The following UBE4B variants were observed in gnomAD, a reference collection of about 807,000 sequenced individuals.
The protein encoded by UBE4B is ubiquitination factor E4B.
In UBE4B, 27 loss-of-function variants were observed where a neutral mutation model predicts 148.1. That is an observed-to-expected ratio of 0.18 (90% CI 0.13 to 0.25). The LOEUF is 0.25. Among genes scored for constraint, UBE4B ranks in the 10% least tolerant of loss-of-function variants. The pLI, the probability that UBE4B is intolerant of heterozygous loss-of-function variation, is 1.00. For missense variants in UBE4B, 1,170 were observed against 1,662.4 expected (o/e 0.70, Z 5.15); for synonymous variants, 596 against 619.3 (o/e 0.96, Z 0.56).
At chr1:10,153,524 A>G (rs1046063102) in intron 21 of UBE4B, among the ~76,000 whole-genome samples, 1 of 151,146 alleles carries the variant, frequency 6.6e-6, no homozygotes, top group Non-Finnish European at 1.5e-5. Flanking sequence ...AAAAAGGGTA[A>G]AAAGACTGGG....
At chr1:10,147,695 G>A (rs2101980017) in intron 19 of UBE4B, among the ~76,000 whole-genome samples, 1 of 152,286 alleles carries the variant, frequency 6.6e-6, no homozygotes, top group East Asian at 1.9e-4. Flanking sequence ...TAAATTGGAA[G>A]CCAAAAGCTG....
intron 10 of UBE4B, 47 bp downstream of exon 10, chr1:10,122,123 C>CGACA: frequency 7.4e-7 from 1 of 1,349,034 alleles, no homozygotes; most frequent in Non-Finnish European, 1.0e-6. Flanking sequence ...CTGAGAGCCT[C>CGACA]TATGTCGAGG....
intron 23 of UBE4B, among the ~76,000 whole-genome samples, chr1:10,167,269 G>A (rs142891483): frequency 0.025 from 3,829 of 151,340 alleles, 90 homozygotes; most frequent in South Asian, 0.081. Flanking sequence ...GAGAAACCCC[G>A]TCTCTACTAA....
chr1:10,100,123 G>A (rs1202732353), intron 3 of UBE4B, among the ~76,000 whole-genome samples: 1 of 151,936 alleles, frequency 6.6e-6, no homozygotes, highest in Non-Finnish European at 1.5e-5. Flanking sequence ...CTGAGTAGCT[G>A]GGCCTACAGG....
intron 7 of UBE4B, among the ~76,000 whole-genome samples, chr1:10,114,150 G>A (rs1484204140): frequency 1.3e-5 from 2 of 149,594 alleles, no homozygotes; most frequent in African/African-American, 4.9e-5. Flanking sequence ...TTATTATCAA[G>A]AAATAGAGTT....
At chr1:10,086,160 A>G (rs1644763705) in intron 2 of UBE4B, among the ~76,000 whole-genome samples, 1 of 151,928 alleles carries the variant, frequency 6.6e-6, no homozygotes, top group Admixed American at 6.6e-5. Context: ...TTTAGTAGAG[A>G]TGGGGTTTCA....
intron 16 of UBE4B, among the ~76,000 whole-genome samples, chr1:10,136,794 C>G (rs2101956543): frequency 6.6e-6 from 1 of 152,172 alleles, no homozygotes; most frequent in Middle Eastern, 3.4e-3. Flanking sequence ...TAGCACACGC[C>G]TGTAATCCCA....
chr1:10,051,958 C>T (rs982262023), intron 1 of UBE4B, among the ~76,000 whole-genome samples: 2 of 152,146 alleles, frequency 1.3e-5, no homozygotes, highest in African/African-American at 4.8e-5. Flanking sequence ...CTTTTGGGTC[C>T]TAGATTGAGA....
At chr1:10,162,155 C>T (rs1168425031) in intron 23 of UBE4B, among the ~76,000 whole-genome samples, 1 of 152,046 alleles carries the variant, frequency 6.6e-6, no homozygotes, top group Non-Finnish European at 1.5e-5. Context: ...CCTGCCACCA[C>T]ACCTGGCTAG....
At chr1:10,068,169 C>G (rs1225845232) in intron 1 of UBE4B, among the ~76,000 whole-genome samples, 13 of 150,912 alleles carry the variant, frequency 8.6e-5, no homozygotes, top group Non-Finnish European at 1.9e-4. Flanking sequence ...CCTGGGATTA[C>G]AGGTGCCTAC....
At position 10,161,888 on chromosome 1, in the gene UBE4B, A is replaced by G. The variant is rs1646165931; in HGVS notation, c.3198+602A>G. On this transcript the variant is annotated intron_variant, in intron 23 of 27. Transcript: ENST00000343090. This position sits in a 1 kb window ranked among gnomAD's most constrained non-coding sequence, Gnocchi z 4.1. The stretch of plus-strand genomic sequence containing the variant: ...TTGACAGTTGCTGGTGACTTCTTAG[A>G]TTGGCTTAGGTTTATTGATTCTGTT... Among the ~76,000 whole-genome samples, 1 of 151,850 alleles carries G rather than the reference A, an allele frequency of 6.6e-6. No individual in the cohort carries two copies.
chr1:10,066,596 T>G (rs1262157125), intron 1 of UBE4B, among the ~76,000 whole-genome samples: 1 of 151,582 alleles, frequency 6.6e-6, no homozygotes, highest in East Asian at 1.9e-4. Context: ...AAAAAGAAAA[T>G]AAAACCAATA....
At chr1:10,049,763 A>G (rs11807005) in intron 1 of UBE4B, among the ~76,000 whole-genome samples, 1 of 151,508 alleles carries the variant, frequency 6.6e-6, no homozygotes, top group Non-Finnish European at 1.5e-5. Context: ...GGTGGCATGC[A>G]CCTGTGGTCC....
At chr1:10,130,090 T>C (rs1166065689) in intron 12 of UBE4B, among the ~76,000 whole-genome samples, 1 of 152,102 alleles carries the variant, frequency 6.6e-6, no homozygotes, top group Non-Finnish European at 1.5e-5. Flanking sequence ...ATTCTTTTTT[T>C]TGAGACAGAG....
At chr1:10,040,896 C>T (rs940985637) in intron 1 of UBE4B, among the ~76,000 whole-genome samples, 12 of 151,922 alleles carry the variant, frequency 7.9e-5, no homozygotes, top group Non-Finnish European at 1.6e-4. Context: ...CTGGGATTAC[C>T]GGCGTGAGCC....
chr1:10,078,014 G>GTTT (rs760664556), intron 2 of UBE4B, among the ~76,000 whole-genome samples: 1 of 145,014 alleles, frequency 6.9e-6, no homozygotes. Flanking sequence ...GATTATGCTA[G>GTTT]TTTTTTTTTT....
intron 1 of UBE4B, among the ~76,000 whole-genome samples, chr1:10,059,856 A>G (rs561829404): frequency 1.3e-5 from 2 of 152,188 alleles, no homozygotes; most frequent in East Asian, 3.9e-4. Context: ...CCTCTGGGGC[A>G]TAGGTCTTCA....
At chr1:10,041,950 C>T (rs1643785360) in intron 1 of UBE4B, among the ~76,000 whole-genome samples, 1 of 152,066 alleles carries the variant, frequency 6.6e-6, no homozygotes, top group South Asian at 2.1e-4. Context: ...CCACCTCAGC[C>T]TCCCAAAGTT....
intron 26 of UBE4B, chr1:10,179,101 A>G: frequency 8.6e-6 from 4 of 467,040 alleles, no homozygotes; most frequent in Non-Finnish European, 1.5e-5. Flanking sequence ...AAGAATTCCC[A>G]GAAGTCCTAA....
Sources: allele counts gnomAD v4.1 joint callset (sites outside exome capture counted in the v4.1 genomes callset), GRCh38; gene constraint gnomAD v4.1.1; non-coding constraint Gnocchi (gnomAD v3.1); transcripts MANE v1.5; gene names NCBI Gene and HGNC (gene_info 2026-07-23, HGNC 2026-07-21).